Variants in MYO16 observed in about 807,000 individuals in gnomAD.
MYO16 encodes unconventional myosin-XVI.
Under a neutral mutation model 205.3 loss-of-function variants are expected in MYO16, and 94 were observed. That is an observed-to-expected ratio of 0.46 (90% CI 0.39 to 0.54). The LOEUF (loss-of-function observed/expected upper bound fraction) is 0.54. MYO16 is among the 20% of genes least tolerant of loss of function. The pLI, the probability that MYO16 is intolerant of heterozygous loss-of-function variation, is 0.00. For synonymous variants in MYO16, 988 were observed against 954.0 expected, an observed-to-expected ratio of 1.04 and a Z score of -0.66; for missense variants, 2,315 against 2,387.5, an observed-to-expected ratio of 0.97 and a Z score of 0.63.
rs534731420 is a variant in MYO16 at position 109,106,880 on chromosome 13, C to T, written c.3438+5993C>T. Among the ~76,000 whole-genome samples, 21 of 152,206 alleles carry T rather than the reference C, an allele frequency of 1.4e-4. 1 individual carries two copies. Among genetic ancestry groups the T allele is most frequent in the Middle Eastern group, 6.8e-3 (2 of 294 alleles). ...GCAAAGAAGAGTGGCCTGTGTGTCC[C>T]GTTTGAGGCAGGAACTTGTGATACC... On this transcript the variant is annotated intron_variant, in intron 28 of 34. Transcript: ENST00000457511.
In MYO16 at chr13:108,615,616, A is replaced by G. The variant is rs1484565238; in HGVS notation, c.-39+19377A>G. On this transcript the variant is annotated intron_variant, in intron 1 of 24. Coordinates refer to the MYO16 transcript ENST00000251041. Reference sequence around the variant, plus strand: ...ACCCATTGCAATTGAGTATTATTCAATATAAAAAGGAAGGACATATTGATC... The same window carrying G: ...ACCCATTGCAATTGAGTATTATTCAGTATAAAAAGGAAGGACATATTGATC... Among the ~76,000 whole-genome samples the G allele has an allele frequency of 2.6e-5, 4 of 152,288 alleles. No individual in the cohort carries two copies. In the East Asian group the frequency reaches 7.7e-4, roughly 29 times the overall value.
chr13:109,147,491 G>A (rs185927012), intron 32 of MYO16, among the ~76,000 whole-genome samples: 2 of 152,284 alleles, frequency 1.3e-5, no homozygotes, highest in Admixed American at 6.5e-5. Context: ...ACATCGAAAC[G>A]AGACTGAAGT....
intron 22 of MYO16, among the ~76,000 whole-genome samples, chr13:109,015,310 G>A (rs904697412): frequency 2.0e-5 from 3 of 152,180 alleles, no homozygotes; most frequent in African/African-American, 4.8e-5. Flanking sequence ...CAGGGATGAA[G>A]CCCATTTGAT....
the MYO16 span, among the ~76,000 whole-genome samples, chr13:108,530,974 T>C: frequency 6.6e-6 from 1 of 152,212 alleles, no homozygotes; most frequent in Non-Finnish European, 1.5e-5. Context: ...GTTACCTTCA[T>C]AGTTATGGAT....
chr13:109,013,045 G>A (rs1297022725), intron 22 of MYO16, among the ~76,000 whole-genome samples: 6 of 148,578 alleles, frequency 4.0e-5, no homozygotes, highest in Admixed American at 6.7e-5. Flanking sequence ...TACATGTGCC[G>A]TGTTGGTTTG....
chr13:109,000,069 CA>C (rs1397336262), intron 21 of MYO16, among the ~76,000 whole-genome samples: 12 of 152,062 alleles, frequency 7.9e-5, no homozygotes, highest in African/African-American at 2.7e-4. Context: ...GGAAATGTTA[CA>C]AAGCTTAGTA....
chr13:108,780,942 C>A (rs936083233), intron 4 of MYO16, among the ~76,000 whole-genome samples: 2 of 152,188 alleles, frequency 1.3e-5, no homozygotes, highest in African/African-American at 4.8e-5. Context: ...ATGACCCCAG[C>A]TAAATTATTC....
At chr13:109,113,431 A>G (rs1013272545) in intron 28 of MYO16, among the ~76,000 whole-genome samples, 3 of 152,220 alleles carry the variant, frequency 2.0e-5, no homozygotes, top group Non-Finnish European at 4.4e-5. Context: ...AGGCATTTGA[A>G]CATCATCCTG....
chr13:109,020,978 A>G (rs1178258523), intron 23 of MYO16, among the ~76,000 whole-genome samples: 1 of 152,208 alleles, frequency 6.6e-6, no homozygotes, highest in Non-Finnish European at 1.5e-5. Flanking sequence ...TGATATAATA[A>G]TATCAACAAA....
chr13:108,567,995 A>G, the MYO16 span, among the ~76,000 whole-genome samples: 1,718 of 152,296 alleles, frequency 0.011, 27 homozygotes, highest in African/African-American at 0.037. Flanking sequence ...TTCACTTAGT[A>G]TAATGTTTTC....
chr13:108,903,776 A>G (rs749742699), intron 15 of MYO16, among the ~76,000 whole-genome samples: 4 of 152,218 alleles, frequency 2.6e-5, no homozygotes, highest in Non-Finnish European at 4.4e-5. Flanking sequence ...TACTTAACAT[A>G]CATTTTAAAG....
At chr13:108,698,390 T>A (rs1169412434) in intron 2 of MYO16, among the ~76,000 whole-genome samples, 2 of 152,256 alleles carry the variant, frequency 1.3e-5, no homozygotes, top group Non-Finnish European at 2.9e-5. Flanking sequence ...ATTTGAAATG[T>A]ATCCTTTGAT....
intron 23 of MYO16, among the ~76,000 whole-genome samples, chr13:109,025,037 A>G (rs966044301): frequency 3.3e-5 from 5 of 152,128 alleles, no homozygotes; most frequent in African/African-American, 1.2e-4. Context: ...CTATGATAGT[A>G]AAGTTGGGCC....
intron 4 of MYO16, among the ~76,000 whole-genome samples, chr13:108,766,105 C>T (rs1308879481): frequency 6.6e-6 from 1 of 152,172 alleles, no homozygotes; most frequent in African/African-American, 2.4e-5. Context: ...TAACCTCCTA[C>T]ATTATCTGCC....
chr13:108,827,802 A>T (rs1008643666), intron 9 of MYO16, among the ~76,000 whole-genome samples: 4 of 152,104 alleles, frequency 2.6e-5, no homozygotes, highest in Admixed American at 2.0e-4. Flanking sequence ...GCCACTAATG[A>T]AACAGCTGCT....
At position 109,143,335 on chromosome 13, in the gene MYO16, A is replaced by G. The variant is rs140353404; in HGVS notation, c.5164+1959A>G. Among the ~76,000 whole-genome samples the G allele has an allele frequency of 3.0e-4, 45 of 152,306 alleles. No individual in the cohort carries two copies. The East Asian group carries it at 5.8e-3, about 20-fold the overall frequency. On this transcript the variant is annotated intron_variant, in intron 32 of 34. Transcript: ENST00000457511. The stretch of plus-strand genomic sequence containing the variant: ...CTTCTCCCTATTTATTCTTCAGACA[A>G]ATAAGCTAATTGTTTGTTTAGCTAA...
Position 108,601,930 on chromosome 13 carries a change from G to A in MYO16, c.-39+5691G>A, listed in dbSNP as rs200988274. 3.3e-4 allele frequency among the ~76,000 whole-genome samples: 50 copies of A among 151,964 alleles called. No homozygotes were observed. The East Asian group carries it at 9.5e-3, about 29-fold the overall frequency. ...CTGCTGTGGACTGAATGTTTGTGAC[G>A]CAACCAAATTCATATGTTGAACCGA... On this transcript the variant is annotated intron_variant, in intron 1 of 24. Transcript: ENST00000251041.
chr13:109,191,999 T>C (rs1382658286), intron 34 of MYO16, among the ~76,000 whole-genome samples: 1 of 152,188 alleles, frequency 6.6e-6, no homozygotes, highest in African/African-American at 2.4e-5. Context: ...TTCTGATAAT[T>C]TTGAAAGCGA....
chr13:108,559,470 CTTTTTTTT>C, the MYO16 span, among the ~76,000 whole-genome samples: 2 of 87,414 alleles, frequency 2.3e-5, no homozygotes, highest in Non-Finnish European at 4.5e-5. Context: ...TTTTTCTTTT[CTTTTTTTT>C]TTTTTTTTTT....
Sources: gnomAD v4.1 joint callset for allele counts (sites outside exome capture counted in the v4.1 genomes callset) on GRCh38, gnomAD v4.1.1 for gene constraint, MANE v1.5 for transcripts, NCBI Gene and HGNC (gene_info 2026-07-23, HGNC 2026-07-21) for gene names.